The following ASZ1 variants were observed in gnomAD, a reference collection of about 807,000 sequenced individuals.
The protein encoded by ASZ1 is ankyrin repeat, SAM and basic leucine zipper domain-containing protein 1.
In ASZ1, 67 loss-of-function variants were observed where a neutral mutation model predicts 61.8. The ratio of observed to expected loss-of-function variants is 1.08; its 90% CI spans 0.89 to 1.33. ASZ1 has a LOEUF of 1.33. Ranked by LOEUF, ASZ1 falls within the 40% of genes most tolerant of loss-of-function variation. The pLI is 0.00. For synonymous variants in ASZ1, 193 were observed against 192.7 expected, an observed-to-expected ratio of 1.00 and a Z score of -0.01; for missense variants, 577 against 554.5, an observed-to-expected ratio of 1.04 and a Z score of -0.41.
rs1023894186 is a variant in ASZ1 at position 117,427,448 on chromosome 7, C to T, written c.13G>A (p.Ala5Thr). The T allele has an allele frequency of 4.3e-6, 7 of 1,613,826 alleles. No individual in the cohort carries two copies. Among genetic ancestry groups the T allele is most frequent in the Admixed American group, 1.7e-5 (1 of 60,016 alleles). MAAS[A>T]LRGLPVAGGG... ...CCAGCCACTGGCAGGCCTCGCAGCG[C>T]GCTCGCCGCCATGCCAGCCAAGGAA... The change falls in exon 1 of 13, where the codon GCG becomes ACG. Residue 5 changes from alanine to threonine, a missense_variant. Transcript: ENST00000284629.
chr7:117,374,662 T>G (rs1298590510), intron 10 of ASZ1, among the ~76,000 whole-genome samples: 4 of 152,048 alleles, frequency 2.6e-5, no homozygotes, highest in Non-Finnish European at 4.4e-5. Context: ...TGTGATCTCT[T>G]AAATCAACTA....
At chr7:117,401,278 GA>G (rs1796675179) in intron 4 of ASZ1, among the ~76,000 whole-genome samples, 1 of 151,790 alleles carries the variant, frequency 6.6e-6, no homozygotes, top group Non-Finnish European at 1.5e-5. Flanking sequence ...CATACTGCCT[GA>G]AAAGTTTCCC....
At chr7:117,381,365 T>C (rs1469838546) in intron 8 of ASZ1, among the ~76,000 whole-genome samples, 2 of 152,116 alleles carry the variant, frequency 1.3e-5, no homozygotes, top group Admixed American at 6.6e-5. Context: ...GAAATTATGT[T>C]TTATGAATAT....
intron 12 of ASZ1, 138 bp downstream of exon 12, chr7:117,367,214 C>T: frequency 1.7e-6 from 1 of 586,900 alleles, no homozygotes; most frequent in Non-Finnish European, 2.5e-6. Context: ...TATATTTCTT[C>T]CTTTGGAAAC....
chr7:117,397,376 G>A (rs1289524592), intron 4 of ASZ1, among the ~76,000 whole-genome samples: 10 of 152,018 alleles, frequency 6.6e-5, no homozygotes, highest in Non-Finnish European at 1.5e-4. Context: ...AGTAGACAAA[G>A]AAATACAAAC....
chr7:117,394,604 T>C (rs1796543441), intron 4 of ASZ1, among the ~76,000 whole-genome samples: 1 of 152,232 alleles, frequency 6.6e-6, no homozygotes, highest in African/African-American at 2.4e-5. Flanking sequence ...ACATTCTTGG[T>C]CTTTATTGCT....
chr7:117,373,432 G>A (rs1796083178), intron 10 of ASZ1, among the ~76,000 whole-genome samples: 1 of 152,122 alleles, frequency 6.6e-6, no homozygotes, highest in Admixed American at 6.6e-5. Context: ...AATGCAGTGT[G>A]TGTATGCATT....
intron 10 of ASZ1, among the ~76,000 whole-genome samples, chr7:117,375,620 T>C (rs566096880): frequency 2.5e-4 from 38 of 152,216 alleles, no homozygotes; most frequent in African/African-American, 9.1e-4. Context: ...CTTGAAATCA[T>C]ACAGTGTATA....
intron 2 of ASZ1, among the ~76,000 whole-genome samples, chr7:117,426,488 C>CAAAAAAAAA (rs10625452): frequency 2.9e-5 from 1 of 34,002 alleles, no homozygotes; most frequent in African/African-American, 1.3e-4. Flanking sequence ...GATAACATCT[C>CAAAAAAAAA]AAAAAAAAAA....
At chr7:117,364,174 G>A (rs1795887389) in intron 12 of ASZ1, among the ~76,000 whole-genome samples, 1 of 152,256 alleles carries the variant, frequency 6.6e-6, no homozygotes, top group Non-Finnish European at 1.5e-5. Flanking sequence ...TAGCAAAAAC[G>A]AGAAGATCAG....
In ASZ1 at chr7:117,384,732, ATGTT is replaced by A; in HGVS notation, c.677_680del (p.Lys226IlefsTer12). The A allele has an allele frequency of 6.2e-7, 1 of 1,611,888 alleles. No individual in the cohort carries two copies. The highest frequency in any genetic ancestry group is 8.5e-7 in the Non-Finnish European group (1 of 1,178,926). Reference sequence around the variant, plus strand: ...AATATGTACAGAAGGATACCTCATGATGTTTGTTTCTTTTTGCAATCTCACTTGG... The same window carrying A: ...AATATGTACAGAAGGATACCTCATGATGTTTCTTTTTGCAATCTCACTTGG... On this transcript the variant is annotated frameshift_variant, in exon 6 of 13. Coordinates refer to ENST00000284629, the MANE Select transcript of ASZ1 (RefSeq NM_130768.3). LOFTEE classifies it high-confidence loss of function.
At chr7:117,426,801 G>A in intron 2 of ASZ1, 35 bp downstream of exon 2, 2 of 1,533,654 alleles carry the variant, frequency 1.3e-6, no homozygotes, top group South Asian at 1.2e-5. Flanking sequence ...ACTTAAGACA[G>A]CTGTGTTCAG....
At chr7:117,404,553 G>A (rs1266929291) in intron 4 of ASZ1, among the ~76,000 whole-genome samples, 1 of 152,018 alleles carries the variant, frequency 6.6e-6, no homozygotes, top group African/African-American at 2.4e-5. Flanking sequence ...GCTTAAGACA[G>A]AAACTGGCAT....
chr7:117,378,004 C>G (rs1796169346), intron 10 of ASZ1, among the ~76,000 whole-genome samples: 1 of 151,984 alleles, frequency 6.6e-6, no homozygotes, highest in African/African-American at 2.4e-5. Context: ...AAAAATGAAC[C>G]TCAGCCTAAA....
chr7:117,416,684 G>A (rs1018011722), intron 4 of ASZ1, among the ~76,000 whole-genome samples: 1 of 152,138 alleles, frequency 6.6e-6, no homozygotes, highest in African/African-American at 2.4e-5. Flanking sequence ...ATCTTGTGGT[G>A]TAAGTTACAC....
At chr7:117,373,959 T>A (rs965310467) in intron 10 of ASZ1, among the ~76,000 whole-genome samples, 1 of 152,170 alleles carries the variant, frequency 6.6e-6, no homozygotes, top group Non-Finnish European at 1.5e-5. Flanking sequence ...TGCTGATTTT[T>A]AAGTCCTCAC....
chr7:117,426,860 A>G lies in ASZ1; in HGVS notation c.181T>C (p.Leu61=), dbSNP rs778517386. The G allele has an allele frequency of 1.9e-6, 3 of 1,613,270 alleles. No individual in the cohort carries two copies. Among genetic ancestry groups the G allele is most frequent in the South Asian group, 1.1e-5 (1 of 90,750 alleles). The change falls in exon 2 of 13, where the codon TTG becomes CTG. Residue 61 remains leucine (L), a synonymous_variant. Transcript: ENST00000284629. ...KKAMTIGDVS[L]VQELLDSGIS... ...CCAGAATCTAGGAGCTCCTGGACCA[A>G]TGAAACATCTCCGATGGTCATTGCT...
intron 4 of ASZ1, among the ~76,000 whole-genome samples, chr7:117,400,813 A>C (rs914062047): frequency 1.3e-5 from 2 of 152,202 alleles, no homozygotes; most frequent in Non-Finnish European, 1.5e-5. Flanking sequence ...GCTCAGATAA[A>C]CACCCCAAGT....
intron 10 of ASZ1, among the ~76,000 whole-genome samples, chr7:117,373,010 AACAAT>A (rs951703340): frequency 6.6e-6 from 1 of 152,154 alleles, no homozygotes; most frequent in Non-Finnish European, 1.5e-5. Flanking sequence ...AACAGGGGTG[AACAAT>A]ACACTTTTAC....
Sources: allele counts gnomAD v4.1 joint callset (sites outside exome capture counted in the v4.1 genomes callset), GRCh38; gene constraint gnomAD v4.1.1; transcripts MANE v1.5; gene names NCBI Gene and HGNC (gene_info 2026-07-23, HGNC 2026-07-21).